SLC25A12: variants seen among roughly 807,000 people sequenced by gnomAD.
The protein encoded by SLC25A12 is solute carrier family 25 member 12, also known as electrogenic aspartate/glutamate antiporter SLC25A12, mitochondrial.
SLC25A12 carries 32 observed loss-of-function variants against 83.3 expected under a neutral mutation model. The ratio of observed to expected loss-of-function variants is 0.38; its 90% confidence interval spans 0.29 to 0.52. The LOEUF is 0.52. Ranked by LOEUF, SLC25A12 falls within the 20% of genes least tolerant of loss-of-function variation. The probability of loss-of-function intolerance (pLI) is 0.84; values close to 1 mark genes in which losing one functional copy is unlikely to be tolerated. For synonymous variants in SLC25A12, 267 were observed against 291.1 expected (o/e 0.92, Z 0.84); for missense variants, 611 against 835.6 (o/e 0.73, Z 3.31).
chr2:171,809,429 A>G, intron 13 of SLC25A12, 177 bp downstream of exon 13: 1 of 632,682 alleles, frequency 1.6e-6, no homozygotes, highest in Non-Finnish European at 2.8e-6. Context: ...TCTTTTCTAC[A>G]CTCAAAACCC....
In SLC25A12 at chr2:171,810,344, AAG is replaced by A. The variant is rs1574688629; in HGVS notation, c.1172-70_1172-69del. The A allele has an allele frequency of 4.8e-6, 6 of 1,242,698 alleles. No individual in the cohort carries two copies. The East Asian group carries it at 1.2e-4, about 24-fold the overall frequency. 77.0% of individuals were successfully genotyped at this position (1,242,698 alleles called of 1,614,324 possible). A position where few individuals can be genotyped will look rare whatever the true frequency, so the allele number is the denominator to read the frequency against. On this transcript the variant is annotated intron_variant, in intron 11 of 17. Transcript: ENST00000422440. ...ACATGAATACACAAGCCCAGCAACA[AAG>A]AGTTTCCCCCATATTATTTACCCAT...
chr2:171,818,487 T>G (rs1458453729), intron 9 of SLC25A12, among the ~76,000 whole-genome samples: 1 of 151,644 alleles, frequency 6.6e-6, no homozygotes, highest in African/African-American at 2.4e-5. Context: ...AAGTGAGAAT[T>G]AGGTCTAGTG....
At chr2:171,890,477 C>CTGTGTGTG (rs34728188) in intron 2 of SLC25A12, among the ~76,000 whole-genome samples, 3 of 149,206 alleles carry the variant, frequency 2.0e-5, no homozygotes, top group Non-Finnish European at 3.0e-5. Flanking sequence ...TCGTGTGTGT[C>CTGTGTGTG]TGTGTGTGTG....
intron 4 of SLC25A12, among the ~76,000 whole-genome samples, chr2:171,847,581 A>G (rs538066930): frequency 6.6e-6 from 1 of 152,306 alleles, no homozygotes; most frequent in South Asian, 2.1e-4. Context: ...GCAAACAAGG[A>G]TCTTTTTTTT....
intron 4 of SLC25A12, chr2:171,845,728 A>G (rs1558929044): frequency 4.7e-6 from 2 of 427,908 alleles, no homozygotes; most frequent in Non-Finnish European, 9.4e-6. Context: ...ACGTTCTACC[A>G]GTCTAGAGTC....
intron 9 of SLC25A12, 62 bp downstream of exon 9, chr2:171,826,733 GCTC>G: frequency 2.3e-6 from 2 of 888,680 alleles, no homozygotes; most frequent in Non-Finnish European, 3.9e-6. Flanking sequence ...GAAGCTGTCA[GCTC>G]CTATTTAGTC....
At chr2:171,813,874 T>C (rs933520611) in intron 10 of SLC25A12, among the ~76,000 whole-genome samples, 17 of 152,386 alleles carry the variant, frequency 1.1e-4, no homozygotes, top group African/African-American at 3.8e-4. Context: ...TTAAATATTA[T>C]GCCAGTTACT....
intron 3 of SLC25A12, among the ~76,000 whole-genome samples, chr2:171,866,587 G>T (rs752635742): frequency 5.7e-5 from 8 of 140,562 alleles, no homozygotes; most frequent in Non-Finnish European, 1.1e-4. Flanking sequence ...CGGGCGGGGG[G>T]CTGACCCCCC....
At chr2:171,821,943 T>G (rs565079614) in intron 9 of SLC25A12, among the ~76,000 whole-genome samples, 3 of 152,234 alleles carry the variant, frequency 2.0e-5, no homozygotes, top group Non-Finnish European at 4.4e-5. Context: ...GTTATCCTCT[T>G]TAATCTTTCA....
At chr2:171,825,139 A>G (rs1487036154) in intron 9 of SLC25A12, among the ~76,000 whole-genome samples, 1 of 152,182 alleles carries the variant, frequency 6.6e-6, no homozygotes, top group African/African-American at 2.4e-5. Context: ...AGCAGATAAA[A>G]GAGTTTTTCT....
chr2:171,835,066 T>A (rs1684527531), intron 6 of SLC25A12, among the ~76,000 whole-genome samples: 1 of 152,232 alleles, frequency 6.6e-6, no homozygotes, highest in Non-Finnish European at 1.5e-5. Context: ...ATTTAGGTTT[T>A]AAGGAAGAAA....
intron 12 of SLC25A12, 23 bp downstream of exon 12, chr2:171,810,201 A>C (rs775305378): frequency 6.2e-7 from 1 of 1,602,616 alleles, no homozygotes; most frequent in Admixed American, 1.7e-5. Context: ...AAATGACATA[A>C]ATTCAGTTAG....
rs79773045 is a variant in SLC25A12 at position 171,803,904 on chromosome 2, A to T, written c.1305+5702T>A. Among the ~76,000 whole-genome samples, 528 of 152,252 alleles carry T rather than the reference A, an allele frequency of 3.5e-3. 2 individuals carry two copies. Among genetic ancestry groups the T allele is most frequent in the African/African-American group, 0.012 (479 of 41,538 alleles). On this transcript the variant is annotated intron_variant, in intron 13 of 17. Coordinates refer to ENST00000422440, the MANE Select transcript of SLC25A12 (RefSeq NM_003705.5). ...ACACTACTAGTAGGGATGCAAAAGG[A>T]TGTAGCCACTTTGAAAAACAGTCTG...
At chr2:171,888,527 C>T (rs191669429) in intron 2 of SLC25A12, among the ~76,000 whole-genome samples, 8 of 152,204 alleles carry the variant, frequency 5.3e-5, no homozygotes, top group Admixed American at 3.9e-4. Flanking sequence ...CTGCAACCCC[C>T]GCTTCCCGGG....
chr2:171,827,809 G>A (rs376139399), intron 8 of SLC25A12, among the ~76,000 whole-genome samples: 9 of 152,324 alleles, frequency 5.9e-5, no homozygotes, highest in African/African-American at 1.9e-4. Flanking sequence ...AAGTCAGCCA[G>A]GAGGTAAGCC....
intron 9 of SLC25A12, among the ~76,000 whole-genome samples, chr2:171,824,737 T>A (rs947081855): frequency 1.3e-5 from 2 of 151,922 alleles, no homozygotes; most frequent in African/African-American, 2.4e-5. Context: ...TTTATTTTTT[T>A]AAAATCACTG....
At chr2:171,889,189 A>G (rs1685882190) in intron 2 of SLC25A12, among the ~76,000 whole-genome samples, 1 of 152,136 alleles carries the variant, frequency 6.6e-6, no homozygotes, top group South Asian at 2.1e-4. Flanking sequence ...ACAAATTTGT[A>G]TCTGTCCAAA....
intron 2 of SLC25A12, among the ~76,000 whole-genome samples, chr2:171,869,181 G>T (rs971362972): frequency 1.3e-5 from 2 of 152,174 alleles, no homozygotes; most frequent in Non-Finnish European, 2.9e-5. Context: ...AGGAGAGGGG[G>T]AATGGGAGTT....
chr2:171,831,374 G>A (rs901929629), intron 8 of SLC25A12, among the ~76,000 whole-genome samples: 1 of 152,100 alleles, frequency 6.6e-6, no homozygotes, highest in Non-Finnish European at 1.5e-5. Flanking sequence ...GACTTTTGGA[G>A]GCATCAGAAA....
Sources: gnomAD v4.1 joint callset for allele counts (sites outside exome capture counted in the v4.1 genomes callset) on GRCh38, gnomAD v4.1.1 for gene constraint, MANE v1.5 for transcripts, NCBI Gene and HGNC (gene_info 2026-07-23, HGNC 2026-07-21) for gene names.